SUSD4: variants seen among roughly 807,000 people sequenced by gnomAD.
The protein encoded by SUSD4 is sushi domain containing 4, also known as sushi domain-containing protein 4.
SUSD4 carries 41 observed loss-of-function variants against 50.5 expected under a neutral mutation model. The ratio of observed to expected loss-of-function variants is 0.81; its 90% confidence interval spans 0.63 to 1.05. The LOEUF is 1.05. Among genes scored for constraint, SUSD4 ranks in the 50% least tolerant of loss-of-function variants. SUSD4 has a pLI of 0.00. For synonymous variants in SUSD4, 257 were observed against 257.3 expected (o/e 1.00, Z 0.01); for missense variants, 580 against 634.7 (o/e 0.91, Z 0.93).
intron 2 of SUSD4, among the ~76,000 whole-genome samples, chr1:223,322,870 GT>G (rs1405103138): frequency 6.6e-6 from 1 of 152,186 alleles, no homozygotes; most frequent in Non-Finnish European, 1.5e-5. Context: ...AAACTGATAT[GT>G]TTTTCATTCC....
chr1:223,321,717 C>A (rs1666584038), intron 2 of SUSD4, among the ~76,000 whole-genome samples: 1 of 152,054 alleles, frequency 6.6e-6, no homozygotes, highest in African/African-American at 2.4e-5. Context: ...GCACATGGAC[C>A]CTTTCAAAAT....
chr1:223,299,887 G>A (rs1665071774), intron 2 of SUSD4, among the ~76,000 whole-genome samples: 2 of 152,052 alleles, frequency 1.3e-5, no homozygotes, highest in African/African-American at 4.8e-5. Flanking sequence ...ACTTAAGCTG[G>A]AACTATACTA....
chr1:223,278,434 G>A (rs960442190), intron 3 of SUSD4, among the ~76,000 whole-genome samples: 1 of 152,196 alleles, frequency 6.6e-6, no homozygotes, highest in Admixed American at 6.5e-5. Context: ...GCATGACTGG[G>A]AGGGTCCCAC....
intron 2 of SUSD4, among the ~76,000 whole-genome samples, chr1:223,360,978 G>C (rs1668944732): frequency 6.6e-6 from 1 of 152,190 alleles, no homozygotes; most frequent in South Asian, 2.1e-4. Flanking sequence ...TTGGTCTCAA[G>C]CATGGCTAAT....
chr1:223,236,546 C>CT (rs925224105), intron 5 of SUSD4, among the ~76,000 whole-genome samples: 3,833 of 142,100 alleles, frequency 0.027, 129 homozygotes, highest in African/African-American at 0.079. Context: ...CTGTGTCTAG[C>CT]TTTTTTTTTT....
chr1:223,283,067 A>G (rs1395460856), intron 3 of SUSD4, among the ~76,000 whole-genome samples: 4 of 152,230 alleles, frequency 2.6e-5, no homozygotes, highest in African/African-American at 9.6e-5. Context: ...TACACCTTAT[A>G]TGAAAATTAA....
At chr1:223,259,520 A>G (rs1661948019) in intron 5 of SUSD4, among the ~76,000 whole-genome samples, 1 of 152,196 alleles carries the variant, frequency 6.6e-6, no homozygotes, top group East Asian at 1.9e-4. Flanking sequence ...CTGTTGAAAG[A>G]GCTGCCCCCA....
At chr1:223,243,017 G>A (rs1660687672) in intron 5 of SUSD4, among the ~76,000 whole-genome samples, 1 of 152,158 alleles carries the variant, frequency 6.6e-6, no homozygotes, top group Admixed American at 6.5e-5. Context: ...CTCATCCCAT[G>A]GTGTGGTCCA....
At chr1:223,362,845 T>C (rs1572147883) in intron 2 of SUSD4, among the ~76,000 whole-genome samples, 2 of 152,222 alleles carry the variant, frequency 1.3e-5, no homozygotes, top group African/African-American at 4.8e-5. Flanking sequence ...TCTTAAACTC[T>C]TGCTTAAATC....
rs144841873 is a variant in SUSD4 at position 223,281,231 on chromosome 1, T to A, written c.361+11208A>T. 4.9e-3 allele frequency among the ~76,000 whole-genome samples: 747 copies of A among 151,932 alleles called. 7 individuals carry two copies. The highest frequency in any genetic ancestry group is 0.015 in the African/African-American group (607 of 41,402). ...AAGCTAGCAGAAGGCAAGAAATAACTAAGATCAGAGGAGAACTGAAGGAAA... is the reference window on the plus strand; with the variant it reads ...AAGCTAGCAGAAGGCAAGAAATAACAAAGATCAGAGGAGAACTGAAGGAAA... On this transcript the variant is annotated intron_variant, in intron 3 of 8. Transcript: ENST00000366878.
intron 5 of SUSD4, among the ~76,000 whole-genome samples, chr1:223,245,132 T>C (rs954059990): frequency 5.3e-5 from 8 of 152,050 alleles, no homozygotes; most frequent in Non-Finnish European, 8.8e-5. Flanking sequence ...GTTTTCAATT[T>C]CTATTTTGAT....
At chr1:223,260,854 A>C (rs1662069120) in intron 5 of SUSD4, among the ~76,000 whole-genome samples, 2 of 152,112 alleles carry the variant, frequency 1.3e-5, no homozygotes, top group South Asian at 4.1e-4. Context: ...TTTCCTTCCA[A>C]ATTATCAACT....
chr1:223,319,142 C>T (rs71319283), intron 2 of SUSD4, among the ~76,000 whole-genome samples: 1 of 59,194 alleles, frequency 1.7e-5, no homozygotes, highest in Non-Finnish European at 3.3e-5. Context: ...ACACCTTATA[C>T]AAAAATCAAT....
intron 3 of SUSD4, among the ~76,000 whole-genome samples, chr1:223,276,955 G>A (rs1663318438): frequency 6.6e-6 from 1 of 152,174 alleles, no homozygotes; most frequent in African/African-American, 2.4e-5. Flanking sequence ...CATCTGTTTT[G>A]ATGAAGCCTC....
At chr1:223,355,541 G>T (rs774174505) in intron 2 of SUSD4, among the ~76,000 whole-genome samples, 3 of 152,052 alleles carry the variant, frequency 2.0e-5, no homozygotes, top group Admixed American at 2.0e-4. Context: ...TTCTTAAAAA[G>T]AATCTCCCTC....
At position 223,234,880 on chromosome 1, in the gene SUSD4, C is replaced by G. The variant is rs1023407334; in HGVS notation, c.725-5492G>C. ...TTGATGCACTAACAGGTGTGCAGAT[C>G]ATGGTGAAATACAGTATAGGATAAA... On this transcript the variant is annotated intron_variant, in intron 5 of 8. Coordinates refer to ENST00000366878, the MANE Select transcript of SUSD4 (RefSeq NM_017982.4). 6.0e-6 allele frequency: 9 copies of G among 1,493,810 alleles called. No individual in the cohort carries two copies. The African/African-American group carries it at 1.2e-4, about 19-fold the overall frequency. 92.5% of individuals were successfully genotyped at this position (1,493,810 alleles called of 1,614,324 possible).
intron 5 of SUSD4, among the ~76,000 whole-genome samples, chr1:223,256,528 G>A (rs1661704764): frequency 6.6e-6 from 1 of 152,174 alleles, no homozygotes; most frequent in Non-Finnish European, 1.5e-5. Flanking sequence ...CAGGCTCACA[G>A]GCTGACTGTA....
intron 3 of SUSD4, among the ~76,000 whole-genome samples, chr1:223,275,393 C>T (rs182027982): frequency 6.6e-6 from 1 of 152,248 alleles, no homozygotes; most frequent in African/African-American, 2.4e-5. Context: ...TTTAAAGAAA[C>T]TTTAAGGTCA....
chr1:223,319,637 A>C (rs145876180), intron 2 of SUSD4, among the ~76,000 whole-genome samples: 42 of 152,322 alleles, frequency 2.8e-4, no homozygotes, highest in African/African-American at 9.1e-4. Flanking sequence ...AACAGGAAAC[A>C]CAAGACAGAC....
Sources: allele counts gnomAD v4.1 joint callset (sites outside exome capture counted in the v4.1 genomes callset), GRCh38; gene constraint gnomAD v4.1.1; transcripts MANE v1.5; gene names NCBI Gene and HGNC (gene_info 2026-07-23, HGNC 2026-07-21).